CACNA2D2: variants seen among roughly 807,000 people sequenced by gnomAD.
CACNA2D2 encodes calcium voltage-gated channel auxiliary subunit alpha2delta 2, also known as voltage-dependent calcium channel subunit alpha-2/delta-2.
In CACNA2D2, 48 loss-of-function variants were observed where a neutral mutation model predicts 166.4. The observed-to-expected ratio is 0.29, with a 90% CI of 0.23 to 0.37. CACNA2D2 has a LOEUF of 0.37. Among genes scored for constraint, CACNA2D2 ranks in the 10% least tolerant of loss-of-function variants. The probability of loss-of-function intolerance (pLI) is 1.00; values close to 1 mark genes in which losing one functional copy is unlikely to be tolerated. For missense variants in CACNA2D2, 1,122 were observed against 1,433.0 expected (o/e 0.78, Z 3.50); for synonymous variants, 561 against 573.7 (o/e 0.98, Z 0.32).
intron 3 of CACNA2D2, among the ~76,000 whole-genome samples, chr3:50,421,441 G>T (rs1409656930): frequency 6.6e-6 from 1 of 152,106 alleles, no homozygotes; most frequent in African/African-American, 2.4e-5. Flanking sequence ...CAAGGCTGGG[G>T]TGTCACTGCT....
intron 2 of CACNA2D2, among the ~76,000 whole-genome samples, chr3:50,458,338 C>T (rs940934835): frequency 4.6e-5 from 7 of 152,150 alleles, no homozygotes; most frequent in Non-Finnish European, 5.9e-5. Flanking sequence ...CCAGAGACTC[C>T]CTGCTGCTAA....
At chr3:50,398,231 A>C (rs891199798) in intron 3 of CACNA2D2, among the ~76,000 whole-genome samples, 1 of 151,700 alleles carries the variant, frequency 6.6e-6, no homozygotes, top group East Asian at 1.9e-4. Context: ...TCCCCCTGGG[A>C]GTGGTTCCTT....
intron 3 of CACNA2D2, among the ~76,000 whole-genome samples, chr3:50,402,811 G>T (rs1244104871): frequency 1.3e-5 from 2 of 152,196 alleles, no homozygotes; most frequent in Non-Finnish European, 2.9e-5. Context: ...CCTAAATTAT[G>T]ATCCATAATT....
rs1559978358 is a variant in CACNA2D2 at position 50,468,379 on chromosome 3, T to TTGTGTGTGTG, written c.288+7738_288+7739insCACACACACA. The stretch of plus-strand genomic sequence containing the variant: ...AAGAGAACCAGCAAGTTCATCAGAA[T>TTGTGTGTGTG]AGTGTGTGTGTGTGTGTGTGTGTGT... On this transcript the variant is annotated intron_variant, in intron 2 of 37. Coordinates refer to ENST00000424201, the MANE Select transcript of CACNA2D2 (RefSeq NM_006030.4). 2.1e-3 allele frequency among the ~76,000 whole-genome samples: 144 copies of TTGTGTGTGTG among 68,912 alleles called. 6 individuals are homozygous for TTGTGTGTGTG. The highest frequency in any genetic ancestry group is 6.8e-3 in the African/African-American group (139 of 20,586). 45.2% of individuals were successfully genotyped at this position (68,912 alleles called of 152,430 possible). A position where few individuals can be genotyped will look rare whatever the true frequency, so the allele number is the denominator to read the frequency against.
chr3:50,473,961 G>A (rs1323538067), intron 2 of CACNA2D2, among the ~76,000 whole-genome samples: 3 of 152,228 alleles, frequency 2.0e-5, no homozygotes, highest in Non-Finnish European at 4.4e-5. Flanking sequence ...AGGAGAAGCC[G>A]GGGATGCCAG....
chr3:50,368,693 TCA>T (rs1228655401), intron 23 of CACNA2D2, among the ~76,000 whole-genome samples: 3 of 152,200 alleles, frequency 2.0e-5, no homozygotes, highest in African/African-American at 7.2e-5. Context: ...GGTAACTCAC[TCA>T]CGCTCTCTGA....
intron 2 of CACNA2D2, among the ~76,000 whole-genome samples, chr3:50,469,384 G>T (rs776398418): frequency 2.0e-5 from 3 of 151,954 alleles, no homozygotes; most frequent in African/African-American, 7.3e-5. Context: ...ATCTTAGGGA[G>T]ATGTCCCTAA....
chr3:50,395,110 T>C (rs913438798), intron 3 of CACNA2D2, among the ~76,000 whole-genome samples: 2 of 152,190 alleles, frequency 1.3e-5, no homozygotes, highest in Admixed American at 6.5e-5. Flanking sequence ...TCGGGGGCCT[T>C]CTGCAGAGCT....
chr3:50,495,241 GC>G (rs1351531287), intron 1 of CACNA2D2, among the ~76,000 whole-genome samples: 1 of 152,190 alleles, frequency 6.6e-6, no homozygotes, highest in East Asian at 1.9e-4. Context: ...CGCATGCAAA[GC>G]CCATAATGCC....
Position 50,363,131 on chromosome 3 carries a change from T to C in CACNA2D2, c.*1535A>G. The stretch of plus-strand genomic sequence containing the variant: ...TAAACTTAAAATATATATTTTTCTG[T>C]ATATGTTTATATTCTCCATTGAGCA... On this transcript the variant is annotated 3_prime_UTR_variant, in exon 38 of 38. Coordinates refer to ENST00000424201, the MANE Select transcript of CACNA2D2 (RefSeq NM_006030.4). 1 of 398,812 alleles carries C rather than the reference T, an allele frequency of 2.5e-6. No individual in the cohort carries two copies. Among genetic ancestry groups the C allele is most frequent in the East Asian group, 3.6e-5 (1 of 28,082 alleles). The allele number at this position is 398,812 out of a possible 1,614,324, so 24.7% of individuals were successfully genotyped here. A position where few individuals can be genotyped will look rare whatever the true frequency, so the allele number is the denominator to read the frequency against.
At chr3:50,397,773 CTG>C (rs914105513) in intron 3 of CACNA2D2, among the ~76,000 whole-genome samples, 4 of 152,210 alleles carry the variant, frequency 2.6e-5, no homozygotes, top group African/African-American at 9.7e-5. Context: ...CCCTATCAGA[CTG>C]TGTTACCTCC....
intron 2 of CACNA2D2, among the ~76,000 whole-genome samples, chr3:50,471,010 G>A (rs1168591734): frequency 6.6e-6 from 1 of 152,098 alleles, no homozygotes; most frequent in Non-Finnish European, 1.5e-5. Flanking sequence ...GGGTTTTTAG[G>A]GAGGCAAGCG....
At chr3:50,418,702 G>A (rs1043851452) in intron 3 of CACNA2D2, among the ~76,000 whole-genome samples, 3 of 152,238 alleles carry the variant, frequency 2.0e-5, no homozygotes, top group Non-Finnish European at 4.4e-5. Context: ...TGCTCCCCAT[G>A]ATGCCCAGCT....
intron 3 of CACNA2D2, among the ~76,000 whole-genome samples, chr3:50,407,160 C>A (rs1436194603): frequency 6.6e-6 from 1 of 151,786 alleles, no homozygotes; most frequent in African/African-American, 2.4e-5. Context: ...AAGGTGAAGA[C>A]AACGAGGTCA....
Position 50,364,819 on chromosome 3 carries a change from A to G in CACNA2D2, c.3292-13T>C, listed in dbSNP as rs771457460. 2 of 1,612,684 alleles carry G rather than the reference A, an allele frequency of 1.2e-6. No individual in the cohort carries two copies. The highest frequency in any genetic ancestry group is 2.2e-5 in the South Asian group (2 of 91,026). On this transcript the variant is annotated splice_polypyrimidine_tract_variant and intron_variant, in intron 37 of 37. Transcript: ENST00000424201. ...CTGAGGTATCTTCCTGCGGGGAGAG[A>G]CAAGGAGCTGGTCGGCCTGGGCGGG...
rs780311315 is a variant in CACNA2D2 at position 50,375,785 on chromosome 3, T to C, written c.1845+24A>G. 1.1e-5 allele frequency: 18 copies of C among 1,612,886 alleles called. No individual in the cohort carries two copies. The East Asian group carries it at 4.0e-4, about 36-fold the overall frequency. On this transcript the variant is annotated intron_variant, in intron 20 of 37. Transcript: ENST00000424201. The surrounding 1 kb of genome is among the most constrained non-coding windows in gnomAD (Gnocchi z 4.0). The stretch of plus-strand genomic sequence containing the variant: ...TAGAAGGGTGCCCACCCTGACTCCC[T>C]GGCCCCCAGCCCTGCCTCCTTACCT...
intron 3 of CACNA2D2, among the ~76,000 whole-genome samples, chr3:50,428,937 A>G (rs1422200476): frequency 2.6e-5 from 4 of 151,920 alleles, no homozygotes; most frequent in African/African-American, 2.4e-5. Context: ...CTGGATTTAA[A>G]CCCTGGTTTT....
At chr3:50,416,910 G>A (rs1308748537) in intron 3 of CACNA2D2, among the ~76,000 whole-genome samples, 1 of 152,220 alleles carries the variant, frequency 6.6e-6, no homozygotes, top group Non-Finnish European at 1.5e-5. Flanking sequence ...ACGTGGGCAT[G>A]ATGGGCTGAG....
At chr3:50,421,983 C>A (rs1479213873) in intron 3 of CACNA2D2, among the ~76,000 whole-genome samples, 1 of 152,126 alleles carries the variant, frequency 6.6e-6, no homozygotes, top group Non-Finnish European at 1.5e-5. Flanking sequence ...TCCTGACCAT[C>A]CACGTTGGTT....
Sources: gnomAD v4.1 joint callset for allele counts (sites outside exome capture counted in the v4.1 genomes callset) on GRCh38, gnomAD v4.1.1 for gene constraint, Gnocchi (gnomAD v3.1) non-coding constraint, MANE v1.5 for transcripts, NCBI Gene and HGNC (gene_info 2026-07-23, HGNC 2026-07-21) for gene names.